Variants in DAPK2 observed in about 807,000 individuals in gnomAD.
The protein encoded by DAPK2 is death-associated protein kinase 2.
DAPK2 carries 35 observed loss-of-function variants against 44.1 expected under a neutral mutation model. The ratio of observed to expected loss-of-function variants is 0.79; its 90% confidence interval spans 0.61 to 1.05. The LOEUF (loss-of-function observed/expected upper bound fraction) is 1.05, where lower values mean the gene tolerates loss of function less well. DAPK2 is among the 50% of genes least tolerant of loss of function. The pLI, the probability that DAPK2 is intolerant of heterozygous loss-of-function variation, is 0.00. For missense variants in DAPK2, 453 were observed against 483.2 expected (o/e 0.94, Z 0.59); for synonymous variants, 174 against 182.6 (o/e 0.95, Z 0.38).
intron 3 of DAPK2, among the ~76,000 whole-genome samples, chr15:63,945,189 AG>A (rs2077417057): frequency 6.6e-6 from 1 of 152,018 alleles, no homozygotes; most frequent in African/African-American, 2.4e-5. Flanking sequence ...CTTCTCCCTG[AG>A]CTTCCCCCAA....
chr15:64,025,042 C>T (rs1466366452), intron 1 of DAPK2, among the ~76,000 whole-genome samples: 1 of 152,114 alleles, frequency 6.6e-6, no homozygotes, highest in Non-Finnish European at 1.5e-5. Flanking sequence ...CCCCAGTAAA[C>T]CACCAAGAGA....
At chr15:63,976,551 T>C (rs1312886577) in intron 2 of DAPK2, among the ~76,000 whole-genome samples, 1 of 151,490 alleles carries the variant, frequency 6.6e-6, no homozygotes, top group African/African-American at 2.4e-5. Context: ...AGACACTGTC[T>C]CTACAAAAAA....
At chr15:63,976,365 C>T (rs947846269) in intron 2 of DAPK2, among the ~76,000 whole-genome samples, 2 of 152,090 alleles carry the variant, frequency 1.3e-5, no homozygotes, top group Non-Finnish European at 2.9e-5. Context: ...CCATTAAATA[C>T]AACTTTATTG....
intron 3 of DAPK2, among the ~76,000 whole-genome samples, chr15:63,952,658 A>AT (rs1036001961): frequency 9.4e-5 from 14 of 149,724 alleles, no homozygotes; most frequent in Admixed American, 3.3e-4. Context: ...TTTTTTATTT[A>AT]TTTTTTTATT....
intron 4 of DAPK2, among the ~76,000 whole-genome samples, chr15:63,937,175 T>C (rs1187073558): frequency 3.9e-5 from 6 of 152,022 alleles, no homozygotes; most frequent in Non-Finnish European, 7.4e-5. Context: ...TCATCACAAT[T>C]TAGCCAAGAG....
intron 3 of DAPK2, among the ~76,000 whole-genome samples, chr15:63,952,499 G>C (rs1446329610): frequency 2.0e-5 from 3 of 152,134 alleles, no homozygotes; most frequent in Non-Finnish European, 4.4e-5. Flanking sequence ...GCTAGGTTTT[G>C]GAGAGAGGAA....
chr15:64,015,069 C>A (rs1247951373), intron 1 of DAPK2, among the ~76,000 whole-genome samples: 2 of 151,922 alleles, frequency 1.3e-5, no homozygotes, highest in Non-Finnish European at 2.9e-5. Flanking sequence ...GAGATCTGGA[C>A]AGAAGAGGAG....
At chr15:64,041,477 A>G (rs1567293641), upstream of DAPK2, among the ~76,000 whole-genome samples, 1 of 152,348 alleles carries the variant, frequency 6.6e-6, no homozygotes, top group East Asian at 1.9e-4. Context: ...CCTGACAGCC[A>G]TGTGCCACTC....
rs1223304196 is a variant in DAPK2, at chr15:63,980,075, G to A, written c.314+3458C>T. 6.6e-6 allele frequency among the ~76,000 whole-genome samples: 1 copy of A among 152,154 alleles called. No homozygotes were observed. The highest frequency in any genetic ancestry group is 1.5e-5 in the Non-Finnish European group (1 of 68,036). ...AGCAGTCCATAGACAGGCACCCTGA[G>A]AACAATGAGACAGCTTGGAAGTGAA... On this transcript the variant is annotated intron_variant, in intron 2 of 10. Coordinates refer to ENST00000261891, the Ensembl canonical transcript of DAPK2. The surrounding 1 kb of genome is among the most constrained non-coding windows in gnomAD (Gnocchi z 4.3).
intron 3 of DAPK2, among the ~76,000 whole-genome samples, chr15:63,967,710 C>A (rs547849038): frequency 6.6e-6 from 1 of 152,194 alleles, no homozygotes; most frequent in South Asian, 2.1e-4. Context: ...AAAAAATATC[C>A]ATTTGTCGGC....
chr15:63,992,271 G>A (rs2078840812), intron 1 of DAPK2, among the ~76,000 whole-genome samples: 1 of 152,044 alleles, frequency 6.6e-6, no homozygotes, highest in African/African-American at 2.4e-5. Flanking sequence ...ATTTCCCTTA[G>A]TCTAGAGTCT....
chr15:63,920,576 A>G (rs1290140970), intron 8 of DAPK2: 1 of 152,180 alleles, frequency 6.6e-6, no homozygotes, highest in African/African-American at 2.4e-5. Context: ...TGTATATGAT[A>G]TTTGAAATGA....
chr15:63,977,212 G>A (rs1222398661), intron 2 of DAPK2, among the ~76,000 whole-genome samples: 3 of 152,338 alleles, frequency 2.0e-5, no homozygotes, highest in African/African-American at 2.4e-5. Flanking sequence ...GCTCAGGGTT[G>A]AGTAGGGTGT....
chr15:64,014,434 G>A (rs1003702266), intron 1 of DAPK2, among the ~76,000 whole-genome samples: 1 of 152,212 alleles, frequency 6.6e-6, no homozygotes, highest in African/African-American at 2.4e-5. Flanking sequence ...CCTGGGAGTA[G>A]GTCACTTGTT....
At chr15:63,929,918 G>T in intron 5 of DAPK2, 1 of 465,972 alleles carries the variant, frequency 2.1e-6, no homozygotes, top group African/African-American at 2.0e-5. Flanking sequence ...ACTGTTGGCA[G>T]GATTTTAGAA....
intron 1 of DAPK2, among the ~76,000 whole-genome samples, chr15:64,034,617 A>T (rs1157450266): frequency 6.6e-6 from 1 of 151,282 alleles, no homozygotes; most frequent in Non-Finnish European, 1.5e-5. Context: ...GGCTATGGAT[A>T]AAGGTTGGAT....
At chr15:63,992,747 G>A (rs755245574) in intron 1 of DAPK2, among the ~76,000 whole-genome samples, 1 of 152,190 alleles carries the variant, frequency 6.6e-6, no homozygotes, top group Non-Finnish European at 1.5e-5. Flanking sequence ...AGAACAAGCA[G>A]TCAAGGGACC....
chr15:64,042,919 C>A (rs943680947), upstream of DAPK2, among the ~76,000 whole-genome samples: 1 of 152,222 alleles, frequency 6.6e-6, no homozygotes, highest in South Asian at 2.1e-4. The surrounding 1 kb of genome is among the most constrained non-coding windows in gnomAD (Gnocchi z 4.7). Flanking sequence ...GACAATTCTC[C>A]ACCTCTTCAA....
At chr15:63,933,021 C>T (rs1348317857) in intron 4 of DAPK2, among the ~76,000 whole-genome samples, 1 of 152,118 alleles carries the variant, frequency 6.6e-6, no homozygotes, top group African/African-American at 2.4e-5. Flanking sequence ...AACGACATTG[C>T]TATGAACTTT....
Sources: allele counts gnomAD v4.1 joint callset (sites outside exome capture counted in the v4.1 genomes callset), GRCh38; gene constraint gnomAD v4.1.1; non-coding constraint Gnocchi (gnomAD v3.1); transcripts MANE v1.5; gene names NCBI Gene and HGNC (gene_info 2026-07-23, HGNC 2026-07-21).